Variants in TRAF7 observed in about 807,000 individuals in gnomAD.
TRAF7 encodes E3 ubiquitin-protein ligase TRAF7.
Under a neutral mutation model 89.3 loss-of-function variants are expected in TRAF7, and 45 were observed. That is an observed-to-expected ratio of 0.50 (90% CI 0.40 to 0.65). The LOEUF (loss-of-function observed/expected upper bound fraction) is 0.65, where lower values mean the gene tolerates loss of function less well. TRAF7 is among the 30% of genes least tolerant of loss of function. The pLI, the probability that TRAF7 is intolerant of heterozygous loss-of-function variation, is 0.00. For synonymous variants in TRAF7, 406 were observed against 369.2 expected, an observed-to-expected ratio of 1.10 and a Z score of -1.14; for missense variants, 677 against 918.1, an observed-to-expected ratio of 0.74 and a Z score of 3.39.
chr16:2,164,491 C>T (rs1234596301), intron 2 of TRAF7, among the ~76,000 whole-genome samples: 1 of 138,290 alleles, frequency 7.2e-6, no homozygotes, highest in South Asian at 2.3e-4. Flanking sequence ...CATGGTTAAG[C>T]GTGTGAGTGC....
At chr16:2,160,797 G>A (rs1186720501) in intron 1 of TRAF7, among the ~76,000 whole-genome samples, 7 of 152,032 alleles carry the variant, frequency 4.6e-5, no homozygotes, top group East Asian at 3.9e-4. Flanking sequence ...CTTCCTGCCC[G>A]GCCACCCCCC....
chr16:2,157,250 C>A (rs1165651309), intron 1 of TRAF7, among the ~76,000 whole-genome samples: 1 of 152,144 alleles, frequency 6.6e-6, no homozygotes, highest in African/African-American at 2.4e-5. Flanking sequence ...ATTCATAGTT[C>A]TCTGTGGAAG....
In TRAF7 at chr16:2,159,297, T is replaced by G. The variant is rs35940281; in HGVS notation, c.-39+3439T>G. Among the ~76,000 whole-genome samples, 107,662 of 151,816 alleles carry G rather than the reference T, an allele frequency of 0.71. 38,339 individuals carry two copies. Among genetic ancestry groups the G allele is most frequent in the South Asian group, 0.81 (3,890 of 4,806 alleles). On this transcript the variant is annotated intron_variant, in intron 1 of 20. Coordinates refer to ENST00000326181, the MANE Select transcript of TRAF7 (RefSeq NM_032271.3). The surrounding 1 kb of genome is among the most constrained non-coding windows in gnomAD (Gnocchi z 6.5). ...TGGGGGCAGGGACAGGCAAGGGGGT[T>G]CGCCGTGCTAGGAGGGAAGCGGGGC...
Position 2,171,569 on chromosome 16 carries a change from C to T in TRAF7, c.442-3C>T, listed in dbSNP as rs2093110889. On this transcript the variant is annotated splice_polypyrimidine_tract_variant and splice_region_variant and intron_variant, in intron 6 of 20. Transcript: ENST00000326181. ...CCCTCAAGCCCGCCCTTTGCCTCCACAGCACACGTTCTGTAGGAGATGCGC... is the reference window on the plus strand; with the variant it reads ...CCCTCAAGCCCGCCCTTTGCCTCCATAGCACACGTTCTGTAGGAGATGCGC... 3 of 1,613,366 alleles carry T rather than the reference C, an allele frequency of 1.9e-6. No individual in the cohort carries two copies. The highest frequency in any genetic ancestry group is 1.7e-6 in the Non-Finnish European group (2 of 1,179,916).
At chr16:2,173,867 A>ACCCCCCCCCCCC in intron 12 of TRAF7, 31 bp downstream of exon 12, 2 of 362,586 alleles carry the variant, frequency 5.5e-6, no homozygotes, top group South Asian at 2.3e-5. Context: ...GCTCCCGCCC[A>ACCCCCCCCCCCC]CCCTCCCCCC....
chr16:2,172,626 CCGGGGTGGG>C, intron 9 of TRAF7, 27 bp downstream of exon 9: 227 of 1,259,194 alleles, frequency 1.8e-4, no homozygotes, highest in Middle Eastern at 5.4e-4. Context: ...CGGGGGTGGG[CCGGGGTGGG>C]CGCAGGCCCT....
Position 2,176,041 on chromosome 16 carries a change from C to T in TRAF7, c.1747-8C>T, listed in dbSNP as rs1168326807. ...TGTCTTTGACCTGCCTGTGCCCACC[C>T]CTCCCAGGTGTGGGACATTGAGTCC... On this transcript the variant is annotated splice_polypyrimidine_tract_variant and splice_region_variant and intron_variant, in intron 18 of 20. Transcript: ENST00000326181. The T allele has an allele frequency of 6.2e-7, 1 of 1,607,984 alleles. No homozygotes were observed. The highest frequency in any genetic ancestry group is 8.5e-7 in the Non-Finnish European group (1 of 1,176,536).
chr16:2,170,712 C>G lies in TRAF7; in HGVS notation c.330C>G (p.Pro110=). The change falls in exon 5 of 21, where the codon CCC becomes CCG. Residue 110 remains proline (P), a synonymous_variant. Coordinates refer to ENST00000326181, the MANE Select transcript of TRAF7 (RefSeq NM_032271.3). The part of the protein sequence containing the change: ...SMSLRSTFSL[P]EEEEEPEPLV... The stretch of plus-strand genomic sequence containing the variant: ...CTCTGCGCTCCACATTCTCACTGCC[C>G]GAGGAGGAGGAGGAGCCGGTAGGTG... 1 of 1,602,772 alleles carries G rather than the reference C, an allele frequency of 6.2e-7. No individual in the cohort carries two copies. The highest frequency in any genetic ancestry group is 8.5e-7 in the Non-Finnish European group (1 of 1,175,224).
chr16:2,160,264 T>A lies in TRAF7; in HGVS notation c.-38-3619T>A, dbSNP rs180947046. Among the ~76,000 whole-genome samples, 746 of 152,004 alleles carry A rather than the reference T, an allele frequency of 4.9e-3. 2 individuals are homozygous for A. Among genetic ancestry groups the A allele is most frequent in the African/African-American group, 0.017 (705 of 41,418 alleles). On this transcript the variant is annotated intron_variant, in intron 1 of 20. Coordinates refer to ENST00000326181, the MANE Select transcript of TRAF7 (RefSeq NM_032271.3). ...GCTGGAGGGGACGGTGGGGGGCCAA[T>A]CCTGCCCTTCCCCTCTGCACGGTGC...
At chr16:2,164,163 CGCGCG>C (rs2093069977) in intron 2 of TRAF7, among the ~76,000 whole-genome samples, 162 bp downstream of exon 2, 1 of 87,346 alleles carries the variant, frequency 1.1e-5, no homozygotes, top group Non-Finnish European at 2.5e-5. Context: ...TGTGTGTGCG[CGCGCG>C]CGCGCGCGCG....
At position 2,164,984 on chromosome 16, in the gene TRAF7, G is replaced by A. The variant is rs373693957; in HGVS notation, c.82-895G>A. On this transcript the variant is annotated intron_variant, in intron 2 of 20. Coordinates refer to ENST00000326181, the MANE Select transcript of TRAF7 (RefSeq NM_032271.3). ...GCGCAGCCTGGTCGCATGGTTAAGC[G>A]TGTGAGTGCTGCGTGGCCTGGCCTG... is the stretch of plus-strand genomic sequence containing the variant. Among the ~76,000 whole-genome samples the A allele has an allele frequency of 2.6e-4, 25 of 97,816 alleles. No individual in the cohort carries two copies. In the East Asian group the frequency reaches 5.5e-3, roughly 21 times the overall value. 64.2% of individuals were successfully genotyped at this position (97,816 alleles called of 152,430 possible). A position where few individuals can be genotyped will look rare whatever the true frequency, so the allele number is the denominator to read the frequency against.
rs948436164 is a variant in TRAF7, at chr16:2,170,817, G to T, written c.348+87G>T. ...AGGCACCTTCCCCTCCGCCATGCCCGCCCAGCTCACAGGGAGAGGGCGGCT... is the reference window on the plus strand; with the variant it reads ...AGGCACCTTCCCCTCCGCCATGCCCTCCCAGCTCACAGGGAGAGGGCGGCT... On this transcript the variant is annotated intron_variant, in intron 5 of 20. Coordinates refer to ENST00000326181, the MANE Select transcript of TRAF7 (RefSeq NM_032271.3). 7 of 1,287,014 alleles carry T rather than the reference G, an allele frequency of 5.4e-6. No individual in the cohort carries two copies. The Admixed American group carries it at 1.0e-4, about 18-fold the overall frequency. The allele number at this position is 1,287,014 out of a possible 1,614,324, so 79.7% of individuals were successfully genotyped here. A position where few individuals can be genotyped will look rare whatever the true frequency, so the allele number is the denominator to read the frequency against.
intron 15 of TRAF7, 72 bp from the exon 16 acceptor site, chr16:2,175,228 TC>T: frequency 6.2e-7 from 1 of 1,612,526 alleles, no homozygotes; most frequent in African/African-American, 1.3e-5. Context: ...GGGACGTGTT[TC>T]TCCCCGTCTG....
intron 14 of TRAF7, 88 bp downstream of exon 14, chr16:2,174,421 C>A: frequency 3.0e-6 from 4 of 1,339,266 alleles, no homozygotes; most frequent in Non-Finnish European, 4.1e-6. Flanking sequence ...TGAGCTCGAG[C>A]CTGTGTAGCT....
Position 2,170,711 on chromosome 16 carries a change from C to G in TRAF7, c.329C>G (p.Pro110Arg), listed in dbSNP as rs2093105648. The G allele has an allele frequency of 6.2e-7, 1 of 1,603,846 alleles. No homozygotes were observed. Among genetic ancestry groups the G allele is most frequent in the East Asian group, 2.3e-5 (1 of 44,186 alleles). ...SMSLRSTFSL[P>R]EEEEEPEPLV... is the part of the protein sequence containing the mutation. ...TCTCTGCGCTCCACATTCTCACTGC[C>G]CGAGGAGGAGGAGGAGCCGGTAGGT... Residue 110 changes from proline (P) to arginine (R), a missense_variant, in exon 5 of 21, where the codon CCC (proline) becomes CGC (arginine). Transcript: ENST00000326181.
chr16:2,173,513 G>A lies in TRAF7; in HGVS notation c.1045G>A (p.Glu349Lys), dbSNP rs2141289959. The A allele has an allele frequency of 6.2e-7, 1 of 1,613,410 alleles. No individual in the cohort carries two copies. The highest frequency in any genetic ancestry group is 8.5e-7 in the Non-Finnish European group (1 of 1,179,938). Residue 349 changes from glutamate (E) to lysine (K), a missense_variant, in exon 11 of 21, where the codon GAG (glutamate) becomes AAG (lysine). Glu to Lys is a moderately conservative substitution (Grantham distance 56, BLOSUM62 1). Around this residue, in one of 6 missense-constraint regions of TRAF7, gnomAD observed 238 missense variants for 352.6 expected, o/e 0.67. Coordinates refer to ENST00000326181, the MANE Select transcript of TRAF7 (RefSeq NM_032271.3). The part of the protein sequence containing the change: ...VLDENQSKLS[E>K]DLMEFRRDAS... The stretch of plus-strand genomic sequence containing the variant: ...GGACGAAAACCAGAGCAAGCTCAGC[G>A]AGGACCTCATGGAGTTCCGGCGGGA...
At chr16:2,172,064 G>C (rs532916323) in intron 7 of TRAF7, 127 bp from the exon 8 acceptor site, 1 of 1,135,894 alleles carries the variant, frequency 8.8e-7, no homozygotes, top group Non-Finnish European at 1.3e-6. Flanking sequence ...CTGTGCCCCC[G>C]TTCCCATGTT....
At position 2,176,124 on chromosome 16, in the gene TRAF7, A is replaced by T; in HGVS notation, c.1822A>T (p.Ile608Phe). ...GGGCACCGTGTATGCCCTGGCGGTC[A>T]TCTCGACGCCAGACCAGACCAAAGT... ...HVGTVYALAV[I>F]STPDQTKVFS... Residue 608 changes from isoleucine to phenylalanine, a missense_variant, in exon 19 of 21, where the codon ATC (isoleucine) becomes TTC (phenylalanine). Physicochemically the swap from Ile to Phe is conservative, Grantham distance 21 (BLOSUM62 0). Coordinates refer to ENST00000326181, the MANE Select transcript of TRAF7 (RefSeq NM_032271.3). 6.2e-7 allele frequency: 1 copy of T among 1,610,962 alleles called. No homozygotes were observed.
chr16:2,166,045 A>G (rs2093085455), intron 3 of TRAF7, 109 bp downstream of exon 3: 3 of 1,402,018 alleles, frequency 2.1e-6, no homozygotes, highest in African/African-American at 1.4e-5. Flanking sequence ...GTTGGGTGCC[A>G]GTGCTGGGCG....
Sources: allele counts gnomAD v4.1 joint callset (sites outside exome capture counted in the v4.1 genomes callset), GRCh38; gene constraint gnomAD v4.1.1; regional missense constraint gnomAD v4.1.1; non-coding constraint Gnocchi (gnomAD v3.1); transcripts MANE v1.5; gene names NCBI Gene and HGNC (gene_info 2026-07-23, HGNC 2026-07-21).